The following NSMAF variants were observed in gnomAD, a reference collection of about 807,000 sequenced individuals.
NSMAF encodes protein FAN.
A neutral mutation model predicts 134.9 loss-of-function variants in NSMAF; 90 were observed. The observed-to-expected ratio is 0.67, with a 90% CI of 0.56 to 0.79. NSMAF has a LOEUF of 0.79. NSMAF is among the 30% of genes least tolerant of loss of function. The pLI, the probability that NSMAF is intolerant of heterozygous loss-of-function variation, is 0.00. For missense variants in NSMAF, 1,010 were observed against 1,119.0 expected, an observed-to-expected ratio of 0.90 and a Z score of 1.39; for synonymous variants, 358 against 389.6, an observed-to-expected ratio of 0.92 and a Z score of 0.96.
At chr8:58,641,356 G>A (rs780145350) in intron 2 of NSMAF, among the ~76,000 whole-genome samples, 3 of 152,100 alleles carry the variant, frequency 2.0e-5, no homozygotes, top group Non-Finnish European at 4.4e-5. Context: ...ACAAAATAAG[G>A]TACATTTGGA....
intron 9 of NSMAF, among the ~76,000 whole-genome samples, chr8:58,622,084 C>A (rs1489888054): frequency 6.6e-6 from 1 of 152,018 alleles, no homozygotes; most frequent in Non-Finnish European, 1.5e-5. Flanking sequence ...TTTTCTTCAA[C>A]AGTTTTTATA....
chr8:58,650,475 T>G (rs181805347), intron 1 of NSMAF, among the ~76,000 whole-genome samples: 3 of 152,312 alleles, frequency 2.0e-5, no homozygotes, highest in Admixed American at 2.0e-4. Context: ...CCTTCCAACA[T>G]GCAAGCTTGC....
intron 1 of NSMAF, among the ~76,000 whole-genome samples, chr8:58,645,922 T>C (rs1807441239): frequency 6.6e-6 from 1 of 152,030 alleles, no homozygotes. Context: ...GCGCCTATAA[T>C]CCCAGCTACT....
intron 6 of NSMAF, among the ~76,000 whole-genome samples, chr8:58,629,249 G>C (rs956745668): frequency 5.9e-5 from 9 of 151,932 alleles, no homozygotes; most frequent in Admixed American, 1.3e-4. Flanking sequence ...TAGCTCCCCT[G>C]ACTGGATAAT....
chr8:58,659,294 C>T (rs1263136865), intron 1 of NSMAF: 5 of 1,524,172 alleles, frequency 3.3e-6, no homozygotes, highest in Non-Finnish European at 3.5e-6. Flanking sequence ...CCTGCACTGC[C>T]GGATAGCTCG....
chr8:58,599,476 T>A, intron 18 of NSMAF, 113 bp from the exon 19 acceptor site: 1 of 1,216,978 alleles, frequency 8.2e-7, no homozygotes, highest in Non-Finnish European at 1.1e-6. Flanking sequence ...GGTCCATATT[T>A]CTTAATGCAG....
chr8:58,599,966 T>A lies in NSMAF; in HGVS notation c.1332+4A>T. The A allele has an allele frequency of 6.2e-7, 1 of 1,613,970 alleles. No individual in the cohort carries two copies. Among genetic ancestry groups the A allele is most frequent in the Non-Finnish European group, 8.5e-7 (1 of 1,179,872 alleles). On this transcript the variant is annotated splice_donor_region_variant and intron_variant, in intron 17 of 30. Coordinates refer to ENST00000038176, the MANE Select transcript of NSMAF (RefSeq NM_003580.4). ...GTTACTCATCAGCTTTATTAACTGC[T>A]TACCTCTTTAAAATCCGTTGCACCA...
In NSMAF at chr8:58,659,602, C is replaced by T; in HGVS notation, c.30G>A (p.Glu10=). The T allele has an allele frequency of 6.7e-7, 1 of 1,497,138 alleles. No homozygotes were observed. 92.7% of individuals were successfully genotyped at this position (1,497,138 alleles called of 1,614,324 possible). Residue 10 remains glutamate (E), a synonymous_variant, in exon 1 of 31, where the codon GAG becomes GAA. Transcript: ENST00000038176. ...CCTTGGAGTAGAGCTGCAGCTGCTG[C>T]TCCTGCTGCTTCTTCCGGATAAACG... MAFIRKKQQ[E]QQLQLYSKER...
intron 1 of NSMAF, among the ~76,000 whole-genome samples, chr8:58,649,045 G>A (rs972694526): frequency 2.0e-5 from 3 of 152,204 alleles, no homozygotes; most frequent in African/African-American, 7.2e-5. Flanking sequence ...AAAAGTTGCT[G>A]GCACTCAACT....
intron 1 of NSMAF, among the ~76,000 whole-genome samples, chr8:58,654,455 C>G (rs1807656560): frequency 6.6e-6 from 1 of 152,156 alleles, no homozygotes; most frequent in Non-Finnish European, 1.5e-5. Context: ...GAGGCTGAGG[C>G]AGGAGAATCG....
chr8:58,658,757 G>A (rs1433199890), intron 1 of NSMAF, among the ~76,000 whole-genome samples: 7 of 152,192 alleles, frequency 4.6e-5, no homozygotes, highest in Non-Finnish European at 7.4e-5. Context: ...GCCGAAGTGA[G>A]CTTTCTTATG....
chr8:58,615,813 A>G (rs968695140), intron 9 of NSMAF, among the ~76,000 whole-genome samples: 3 of 152,210 alleles, frequency 2.0e-5, no homozygotes, highest in African/African-American at 7.2e-5. Context: ...AGGAAATCAT[A>G]AAAGTAGACA....
intron 2 of NSMAF, among the ~76,000 whole-genome samples, chr8:58,642,572 A>T (rs2129147268): frequency 6.6e-6 from 1 of 152,344 alleles, no homozygotes; most frequent in East Asian, 1.9e-4. Flanking sequence ...AATTGAGAGC[A>T]GAGGATACTG....
chr8:58,592,429 T>C (rs1806039526), intron 23 of NSMAF, among the ~76,000 whole-genome samples: 1 of 152,170 alleles, frequency 6.6e-6, no homozygotes, highest in Admixed American at 6.5e-5. Context: ...AGCTCATAAG[T>C]GGTGGGTTCT....
At chr8:58,591,545 G>A (rs1480761261) in intron 23 of NSMAF, among the ~76,000 whole-genome samples, 1 of 129,282 alleles carries the variant, frequency 7.7e-6, no homozygotes, top group Non-Finnish European at 1.5e-5. Context: ...GGAGTGCATT[G>A]GTGTGATCTT....
rs189040471 is a variant in NSMAF at position 58,617,634 on chromosome 8, T to A, written c.557+5586A>T. Among the ~76,000 whole-genome samples the A allele has an allele frequency of 5.8e-3, 883 of 152,286 alleles. 4 individuals are homozygous for A. The highest frequency in any genetic ancestry group is 0.01 in the Non-Finnish European group (699 of 68,004). On this transcript the variant is annotated intron_variant, in intron 9 of 30. Transcript: ENST00000038176. Reference sequence around the variant, plus strand: ...AGATACCATCTCATGCCAGTTAGAATGGCAATCATTAAAAAGTCAGGAAAC... The same window carrying A: ...AGATACCATCTCATGCCAGTTAGAAAGGCAATCATTAAAAAGTCAGGAAAC...
chr8:58,612,601 A>T (rs1806554651), intron 9 of NSMAF, among the ~76,000 whole-genome samples: 1 of 152,202 alleles, frequency 6.6e-6, no homozygotes, highest in Non-Finnish European at 1.5e-5. Flanking sequence ...TGGTCAGAGC[A>T]CAGGTGACAA....
intron 9 of NSMAF, among the ~76,000 whole-genome samples, chr8:58,611,155 C>A (rs1585740496): frequency 6.6e-6 from 1 of 152,240 alleles, no homozygotes; most frequent in Non-Finnish European, 1.5e-5. Context: ...AAATATGACT[C>A]ATGCTCAAGA....
At chr8:58,639,497 T>C (rs998094008) in intron 2 of NSMAF, among the ~76,000 whole-genome samples, 12 of 152,182 alleles carry the variant, frequency 7.9e-5, no homozygotes, top group African/African-American at 1.9e-4. Context: ...CCTTATATAC[T>C]GCTGGTGGGA....
Sources: gnomAD v4.1 joint callset for allele counts (sites outside exome capture counted in the v4.1 genomes callset) on GRCh38, gnomAD v4.1.1 for gene constraint, MANE v1.5 for transcripts, NCBI Gene and HGNC (gene_info 2026-07-23, HGNC 2026-07-21) for gene names.